Variants in SRGAP2B observed in about 807,000 individuals in gnomAD.
The protein encoded by SRGAP2B is SLIT-ROBO Rho GTPase activating protein 2B.
Under a neutral mutation model 22.2 loss-of-function variants are expected in SRGAP2B, and 9 were observed. That is an observed-to-expected ratio of 0.41 (90% CI 0.24 to 0.71). The LOEUF is 0.71. Among genes scored for constraint, SRGAP2B ranks in the 30% least tolerant of loss-of-function variants. SRGAP2B has a pLI of 0.35. For synonymous variants in SRGAP2B, 36 were observed against 87.4 expected, an observed-to-expected ratio of 0.41 and a Z score of 3.28; for missense variants, 114 against 235.8, an observed-to-expected ratio of 0.48 and a Z score of 3.38.
intron 3 of SRGAP2B, among the ~76,000 whole-genome samples, chr1:144,988,018 G>T (rs11799660): frequency 3.3e-3 from 495 of 148,828 alleles, no homozygotes; most frequent in Middle Eastern, 6.9e-3. Context: ...TAAAGACAAG[G>T]TATACAATGC....
intron 2 of SRGAP2B, among the ~76,000 whole-genome samples, chr1:144,997,595 A>G (rs1201700794): frequency 1.3e-5 from 2 of 150,166 alleles, no homozygotes; most frequent in Non-Finnish European, 2.9e-5. Context: ...AATCTCACTC[A>G]CCAGGGGAAT....
intron 4 of SRGAP2B, among the ~76,000 whole-genome samples, chr1:144,940,174 G>C (rs1553607105): frequency 2.7e-5 from 3 of 110,562 alleles, no homozygotes; most frequent in Non-Finnish European, 5.4e-5. Flanking sequence ...AGAAGGAACA[G>C]TGAGGGTATG....
intron 3 of SRGAP2B, among the ~76,000 whole-genome samples, chr1:144,979,795 G>T (rs1349507114): frequency 6.6e-6 from 1 of 151,604 alleles, no homozygotes; most frequent in Non-Finnish European, 1.5e-5. Flanking sequence ...TGCCATGATT[G>T]TAAGCTTCCT....
In SRGAP2B at chr1:144,902,779, G is replaced by T. The variant is rs1475007911; in HGVS notation, c.831+2312C>A. ...TCCTTCTCAAAAAAAAAAAAAAAAAGAAACATGAGAAACTTTATTACTACC... is the reference window on the plus strand; with the variant it reads ...TCCTTCTCAAAAAAAAAAAAAAAAATAAACATGAGAAACTTTATTACTACC... On this transcript the variant is annotated intron_variant, in intron 7 of 9. Coordinates refer to ENST00000612199, the Ensembl canonical transcript of SRGAP2B. Among the ~76,000 whole-genome samples, 4 of 122,984 alleles carry T rather than the reference G, an allele frequency of 3.3e-5. No homozygotes were observed. The Admixed American group carries it at 3.6e-4, about 11-fold the overall frequency. The allele number at this position is 122,984 out of a possible 152,430, so 80.7% of individuals were successfully genotyped here. A position where few individuals can be genotyped will look rare whatever the true frequency, so the allele number is the denominator to read the frequency against.
chr1:144,943,946 C>A (rs1277208920), intron 4 of SRGAP2B, among the ~76,000 whole-genome samples: 2 of 150,480 alleles, frequency 1.3e-5, no homozygotes, highest in African/African-American at 5.0e-5. Context: ...GCATTCAAAG[C>A]CTGCCAAGTT....
chr1:144,973,231 C>T (rs1373445501), intron 3 of SRGAP2B, among the ~76,000 whole-genome samples: 1 of 148,258 alleles, frequency 6.7e-6, no homozygotes, highest in Non-Finnish European at 1.5e-5. Flanking sequence ...TATATTCCAG[C>T]TTGTAGTATA....
intron 3 of SRGAP2B, among the ~76,000 whole-genome samples, chr1:144,987,147 G>A (rs587706734): frequency 6.6e-6 from 1 of 152,282 alleles, no homozygotes; most frequent in South Asian, 2.1e-4. Flanking sequence ...GTGGCACTCT[G>A]TATGGATGGG....
At chr1:144,947,491 G>A (rs1666550385) in intron 4 of SRGAP2B, among the ~76,000 whole-genome samples, 1 of 149,886 alleles carries the variant, frequency 6.7e-6, no homozygotes, top group Non-Finnish European at 1.5e-5. Context: ...TCTTGTGACT[G>A]ATTCACTAAT....
chr1:144,951,916 C>G (rs1666903708), intron 4 of SRGAP2B, among the ~76,000 whole-genome samples: 1 of 147,704 alleles, frequency 6.8e-6, no homozygotes, highest in Admixed American at 6.7e-5. Flanking sequence ...TTGTAGATAT[C>G]AGCACCTGAA....
Position 144,994,588 on chromosome 1 carries a change from G to C in SRGAP2B, c.260+420C>G, listed in dbSNP as rs1402378540. Among the ~76,000 whole-genome samples the C allele has an allele frequency of 1.0e-3, 150 of 149,274 alleles. 2 individuals are homozygous for C. Among genetic ancestry groups the C allele is most frequent in the Non-Finnish European group, 1.5e-3 (101 of 67,786 alleles). On this transcript the variant is annotated intron_variant, in intron 3 of 9. Coordinates refer to ENST00000612199, the Ensembl canonical transcript of SRGAP2B. ...TGTGTGAGAGAGAGAGAGAGAGAGA[G>C]AGAGAGAGAGAGAGAGAGAGAGACA...
At chr1:144,923,775 G>A in intron 4 of SRGAP2B, among the ~76,000 whole-genome samples, 1 of 77,028 alleles carries the variant, frequency 1.3e-5, no homozygotes, top group East Asian at 3.1e-4. Flanking sequence ...AGTTGGAAGT[G>A]TGAATGCCAA....
rs587718078 is a variant in SRGAP2B at position 144,990,708 on chromosome 1, G to A, written c.260+4300C>T. 3.2e-4 allele frequency among the ~76,000 whole-genome samples: 48 copies of A among 151,006 alleles called. 1 individual carries two copies. The East Asian group carries it at 8.0e-3, about 25-fold the overall frequency. On this transcript the variant is annotated intron_variant, in intron 3 of 9. Coordinates refer to ENST00000612199, the Ensembl canonical transcript of SRGAP2B. ...GCGCTTGCGGGCCAGCTGGAGTTCC[G>A]GGTGGGCTTGGGCTTGGTGGGCCCC...
At chr1:144,963,471 A>T (rs1278309814) in intron 3 of SRGAP2B, among the ~76,000 whole-genome samples, 4 of 136,960 alleles carry the variant, frequency 2.9e-5, no homozygotes, top group African/African-American at 5.7e-5. Context: ...TCATGTTGAC[A>T]GTTGGATCCA....
At chr1:144,956,818 A>C (rs587610469) in intron 3 of SRGAP2B, among the ~76,000 whole-genome samples, 1 of 148,686 alleles carries the variant, frequency 6.7e-6, no homozygotes, top group African/African-American at 2.5e-5. Context: ...GCATTAACTT[A>C]AGCAACAGAA....
intron 2 of SRGAP2B, among the ~76,000 whole-genome samples, chr1:145,026,766 CGA>C (rs1330950361): frequency 1.4e-5 from 2 of 143,372 alleles, no homozygotes; most frequent in Non-Finnish European, 3.1e-5. Context: ...ATGAGTCTTA[CGA>C]GAGAGCCTTC....
chr1:144,944,036 A>G (rs1394988201), intron 4 of SRGAP2B, among the ~76,000 whole-genome samples: 2 of 149,760 alleles, frequency 1.3e-5, no homozygotes, highest in Non-Finnish European at 3.0e-5. Flanking sequence ...ATTTTCTAAG[A>G]CGAAGGGCAA....
chr1:144,956,471 A>G (rs2101940001), intron 3 of SRGAP2B, among the ~76,000 whole-genome samples: 2 of 111,874 alleles, frequency 1.8e-5, no homozygotes, highest in East Asian at 2.4e-4. Flanking sequence ...TTTTTGAGAC[A>G]AAGTCTCACT....
intron 2 of SRGAP2B, among the ~76,000 whole-genome samples, chr1:145,039,120 CA>C (rs1407722516): frequency 1.2e-5 from 1 of 81,448 alleles, no homozygotes; most frequent in Non-Finnish European, 2.5e-5. Context: ...ACCCTTGGGT[CA>C]GAGAGTTCTT....
intron 4 of SRGAP2B, among the ~76,000 whole-genome samples, chr1:144,925,771 GAAAGAAAGAAAGAA>G: frequency 7.0e-6 from 1 of 142,218 alleles, no homozygotes. Context: ...AAGAAAGAAA[GAAAGAAAGAAAGAA>G]AGAAAGAAAG....
Sources: allele counts gnomAD v4.1 joint callset (sites outside exome capture counted in the v4.1 genomes callset), GRCh38; gene constraint gnomAD v4.1.1; transcripts MANE v1.5; gene names NCBI Gene and HGNC (gene_info 2026-07-23, HGNC 2026-07-21).